The following NBEAL1 variants were observed in gnomAD, a reference collection of about 807,000 sequenced individuals.
NBEAL1 encodes neurobeachin like 1, also known as neurobeachin-like protein 1.
In NBEAL1, 273 loss-of-function variants were observed where a neutral mutation model predicts 351.3. The ratio of observed to expected loss-of-function variants is 0.78; its 90% confidence interval spans 0.70 to 0.86. The LOEUF is 0.86. NBEAL1 is among the 40% of genes least tolerant of loss of function. The pLI is 0.00. For missense variants in NBEAL1, 2,961 were observed against 3,201.3 expected, an observed-to-expected ratio of 0.92 and a Z score of 1.81; for synonymous variants, 1,050 against 1,086.4, an observed-to-expected ratio of 0.97 and a Z score of 0.66.
intron 16 of NBEAL1, 56 bp downstream of exon 16, chr2:203,112,154 G>A: frequency 6.6e-7 from 1 of 1,505,938 alleles, no homozygotes; most frequent in Admixed American, 2.5e-5. Context: ...TTCTTGAAAT[G>A]TTTTAGTTAA....
intron 46 of NBEAL1, chr2:203,190,744 C>T (rs1266349275): frequency 2.0e-5 from 32 of 1,605,968 alleles, no homozygotes; most frequent in Non-Finnish European, 2.2e-5. Flanking sequence ...TCGGTCGTCC[C>T]GAATCCGGGT....
intron 34 of NBEAL1, among the ~76,000 whole-genome samples, chr2:203,150,791 C>G (rs2063630840): frequency 6.6e-6 from 1 of 152,066 alleles, no homozygotes; most frequent in South Asian, 2.1e-4. Context: ...TTGGAAATAT[C>G]AACCATCTGT....
At chr2:203,213,278 T>A (rs1369471576) in intron 54 of NBEAL1, among the ~76,000 whole-genome samples, 1 of 152,192 alleles carries the variant, frequency 6.6e-6, no homozygotes, top group Non-Finnish European at 1.5e-5. Flanking sequence ...TGTTTGATTA[T>A]ATATGGTTAG....
At chr2:203,159,954 T>C (rs1466295134) in intron 36 of NBEAL1, among the ~76,000 whole-genome samples, 1 of 151,998 alleles carries the variant, frequency 6.6e-6, no homozygotes, top group Non-Finnish European at 1.5e-5. Context: ...TGGTTTGAAG[T>C]CGTTTCTATC....
intron 51 of NBEAL1, among the ~76,000 whole-genome samples, chr2:203,206,156 G>A (rs1424235287): frequency 6.6e-6 from 1 of 152,088 alleles, no homozygotes; most frequent in Non-Finnish European, 1.5e-5. Context: ...TAAAATGGAA[G>A]ATCAAACATG....
chr2:203,064,017 A>T (rs867490234), intron 6 of NBEAL1, among the ~76,000 whole-genome samples: 1 of 152,076 alleles, frequency 6.6e-6, no homozygotes, highest in Admixed American at 6.6e-5. Context: ...CCTAGGGGGA[A>T]GTTTTAGTTG....
At chr2:203,194,189 G>T (rs149520471) in intron 47 of NBEAL1, among the ~76,000 whole-genome samples, 48 of 152,188 alleles carry the variant, frequency 3.2e-4, no homozygotes, top group African/African-American at 1.1e-3. Context: ...TGCTTCTTGT[G>T]ACAATCGAGA....
At position 203,144,807 on chromosome 2, in the gene NBEAL1, C is replaced by T. The variant is rs989683429; in HGVS notation, c.5056C>T (p.Leu1686=). The T allele has an allele frequency of 6.2e-7, 1 of 1,613,884 alleles. No individual in the cohort carries two copies. Among genetic ancestry groups the T allele is most frequent in the South Asian group, 1.1e-5 (1 of 91,090 alleles). ...TGAGCTTCTCTTCATGAACTTGCAC[C>T]TACCTTCTTTACCTTTTACCAATGG... ...IYELLFMNLH[L]PSLPFTNGSS... is the part of the protein sequence containing the mutation. Residue 1686 remains leucine (L), a synonymous_variant, in exon 32 of 56, where the codon CTA becomes TTA. Coordinates refer to ENST00000683969, the MANE Select transcript of NBEAL1 (RefSeq NM_001378026.1).
intron 3 of NBEAL1, among the ~76,000 whole-genome samples, chr2:203,049,354 G>C (rs1450951840): frequency 6.6e-6 from 1 of 152,024 alleles, no homozygotes; most frequent in East Asian, 1.9e-4. Context: ...ACTGCACCTG[G>C]CCAACAGTTG....
intron 2 of NBEAL1, among the ~76,000 whole-genome samples, chr2:203,018,606 A>T (rs1005902038): frequency 6.6e-6 from 1 of 151,936 alleles, no homozygotes; most frequent in Non-Finnish European, 1.5e-5. Context: ...TATTCTGTAG[A>T]TGGTTATGTA....
chr2:203,179,464 TAGTG>T (rs1281292567), intron 42 of NBEAL1, among the ~76,000 whole-genome samples: 2 of 152,076 alleles, frequency 1.3e-5, no homozygotes, highest in Non-Finnish European at 2.9e-5. Flanking sequence ...CTGGGCAACA[TAGTG>T]AGACCCTCAT....
At chr2:203,151,396 T>C (rs920138657) in intron 34 of NBEAL1, 69 bp from the exon 35 acceptor site, 35 of 1,163,636 alleles carry the variant, frequency 3.0e-5, no homozygotes, top group African/African-American at 4.7e-5. Context: ...TTTTTTACAT[T>C]ATTTAAATCA....
intron 20 of NBEAL1, 136 bp from the exon 21 acceptor site, chr2:203,125,824 T>C (rs930057371): frequency 4.3e-6 from 3 of 701,534 alleles, no homozygotes; most frequent in Non-Finnish European, 4.4e-6. Context: ...TCTGATTCTA[T>C]TGTACAATAG....
intron 42 of NBEAL1, among the ~76,000 whole-genome samples, chr2:203,179,482 T>C (rs1330925471): frequency 6.6e-6 from 1 of 152,004 alleles, no homozygotes; most frequent in East Asian, 1.9e-4. Context: ...CCCTCATCTC[T>C]AAAATAAGTA....
chr2:203,047,031 G>A (rs1258664683), intron 3 of NBEAL1, among the ~76,000 whole-genome samples: 1 of 152,042 alleles, frequency 6.6e-6, no homozygotes, highest in African/African-American at 2.4e-5. Context: ...AAAATTAGTG[G>A]GCGTGGTGGC....
chr2:203,041,508 G>A (rs2061140834), intron 2 of NBEAL1, among the ~76,000 whole-genome samples: 1 of 152,178 alleles, frequency 6.6e-6, no homozygotes, highest in South Asian at 2.1e-4. Context: ...CAGTGGACAA[G>A]GTTACAGGGA....
At chr2:203,111,951 C>A (rs1389691994) in intron 15 of NBEAL1, 28 bp from the exon 16 acceptor site, 2 of 1,537,030 alleles carry the variant, frequency 1.3e-6, no homozygotes, top group African/African-American at 1.4e-5. Flanking sequence ...GTAATTTTAT[C>A]CTTTAAATGT....
chr2:203,174,216 C>CAAAAAAAAAAAAA (rs10652390), intron 41 of NBEAL1, among the ~76,000 whole-genome samples: 15 of 24,610 alleles, frequency 6.1e-4, no homozygotes, highest in Non-Finnish European at 1.1e-3. Flanking sequence ...TTTATACTAG[C>CAAAAAAAAAAAAA]AAAAAAAAAA....
At chr2:203,029,399 G>A (rs1027793118) in intron 2 of NBEAL1, among the ~76,000 whole-genome samples, 1 of 152,196 alleles carries the variant, frequency 6.6e-6, no homozygotes, top group African/African-American at 2.4e-5. Flanking sequence ...GGCCAGTTCT[G>A]CTGATTTTAA....
Sources: allele counts gnomAD v4.1 joint callset (sites outside exome capture counted in the v4.1 genomes callset), GRCh38; gene constraint gnomAD v4.1.1; transcripts MANE v1.5; gene names NCBI Gene and HGNC (gene_info 2026-07-23, HGNC 2026-07-21).